PPP1R14C: variants seen among roughly 807,000 people sequenced by gnomAD.
PPP1R14C encodes protein phosphatase 1 regulatory inhibitor subunit 14C.
PPP1R14C carries 16 observed loss-of-function variants against 20.4 expected under a neutral mutation model. The ratio of observed to expected loss-of-function variants is 0.78; its 90% confidence interval spans 0.53 to 1.19. The LOEUF (loss-of-function observed/expected upper bound fraction) is 1.19. Ranked by LOEUF, PPP1R14C falls within the 50% of genes most tolerant of loss-of-function variation. The pLI is 0.00. For synonymous variants in PPP1R14C, 91 were observed against 91.0 expected (o/e 1.00, Z 0.00); for missense variants, 211 against 220.1 (o/e 0.96, Z 0.26).
intron 3 of PPP1R14C, 26 bp from the exon 4 acceptor site, chr6:150,248,720 T>C (rs1450234491): frequency 6.7e-6 from 10 of 1,503,166 alleles, no homozygotes; most frequent in East Asian, 2.3e-5. Flanking sequence ...GTGACCCTCA[T>C]ATTAACTTCT....
At chr6:150,171,882 C>T (rs1045934512) in intron 1 of PPP1R14C, among the ~76,000 whole-genome samples, 5 of 152,010 alleles carry the variant, frequency 3.3e-5, no homozygotes, top group Non-Finnish European at 4.4e-5. Flanking sequence ...CTTGGCTCAC[C>T]GCAACCTCTG....
intron 1 of PPP1R14C, among the ~76,000 whole-genome samples, chr6:150,186,233 A>G (rs761678236): frequency 3.3e-5 from 5 of 152,216 alleles, no homozygotes; most frequent in Non-Finnish European, 5.9e-5. Context: ...CAGGAAGCTT[A>G]GCAAACAGGC....
At position 150,155,766 on chromosome 6, in the gene PPP1R14C, T is replaced by C. The variant is rs375781357; in HGVS notation, c.306+12268T>C. 2.0e-5 allele frequency among the ~76,000 whole-genome samples: 3 copies of C among 152,180 alleles called. No homozygotes were observed. The East Asian group carries it at 5.8e-4, about 29-fold the overall frequency. ...CTGGCTGGGCACGGTGGCTCACACC[T>C]GTAATCCCAGCACTTTGGGAGGCTG... is the stretch of plus-strand genomic sequence containing the variant. On this transcript the variant is annotated intron_variant, in intron 1 of 3. Coordinates refer to ENST00000361131, the MANE Select transcript of PPP1R14C (RefSeq NM_030949.3).
At chr6:150,186,684 G>A (rs1777680189) in intron 1 of PPP1R14C, among the ~76,000 whole-genome samples, 2 of 152,202 alleles carry the variant, frequency 1.3e-5, no homozygotes, top group Non-Finnish European at 2.9e-5. Flanking sequence ...GGTGGGGTCA[G>A]GGCCTGAGGC....
At position 150,143,162 on chromosome 6, in the gene PPP1R14C, G is replaced by A. The variant is rs1777134304; in HGVS notation, c.-31G>A. On this transcript the variant is annotated 5_prime_UTR_variant, in exon 1 of 4. Transcript: ENST00000361131. This position sits in a 1 kb window ranked among gnomAD's most constrained non-coding sequence, Gnocchi z 5.6. ...GGCGCGCTCCGCCCGCCCCTCCTCC[G>A]GGCCGCACTGAGGCTCGGGCGCGCG... 7 of 1,284,744 alleles carry A rather than the reference G, an allele frequency of 5.4e-6. No homozygotes were observed. Among genetic ancestry groups the A allele is most frequent in the East Asian group, 3.4e-5 (1 of 29,356 alleles). The allele number at this position is 1,284,744 out of a possible 1,614,324, so 79.6% of individuals were successfully genotyped here.
intron 1 of PPP1R14C, among the ~76,000 whole-genome samples, chr6:150,211,186 G>T (rs1366675111): frequency 6.6e-6 from 1 of 152,218 alleles, no homozygotes; most frequent in Non-Finnish European, 1.5e-5. Context: ...GCATGTCATT[G>T]TGTTTGTCAG....
chr6:150,248,492 A>G (rs914635718), intron 3 of PPP1R14C, among the ~76,000 whole-genome samples: 4 of 152,232 alleles, frequency 2.6e-5, no homozygotes, highest in African/African-American at 4.8e-5. Flanking sequence ...GGGGCCAAGT[A>G]GGTCATGTCA....
At chr6:150,214,615 TC>T in intron 1 of PPP1R14C, 128 bp from the exon 2 acceptor site, 1 of 551,424 alleles carries the variant, frequency 1.8e-6, no homozygotes, top group African/African-American at 2.1e-5. Flanking sequence ...AGCCTCTCCT[TC>T]CCCCTGCTTA....
intron 1 of PPP1R14C, among the ~76,000 whole-genome samples, chr6:150,149,440 C>A (rs535089563): frequency 5.0e-5 from 7 of 140,624 alleles, no homozygotes; most frequent in African/African-American, 1.6e-4. Flanking sequence ...ATCCTCCCAC[C>A]TAATTTTTTT....
At chr6:150,163,773 T>G (rs1372752037) in intron 1 of PPP1R14C, among the ~76,000 whole-genome samples, 1 of 152,220 alleles carries the variant, frequency 6.6e-6, no homozygotes, top group Non-Finnish European at 1.5e-5. Context: ...TTATCGATTC[T>G]ACTTTTGATG....
chr6:150,144,061 A>G (rs1239123690), intron 1 of PPP1R14C, among the ~76,000 whole-genome samples: 2 of 152,248 alleles, frequency 1.3e-5, no homozygotes, highest in Non-Finnish European at 2.9e-5. Flanking sequence ...CTTTCCAGCC[A>G]GCCCCGACGG....
intron 1 of PPP1R14C, among the ~76,000 whole-genome samples, chr6:150,203,935 C>T (rs1777910059): frequency 6.6e-6 from 1 of 152,228 alleles, no homozygotes; most frequent in South Asian, 2.1e-4. Context: ...TTGGGTGGCG[C>T]CAGCCCTTCC....
intron 1 of PPP1R14C, among the ~76,000 whole-genome samples, chr6:150,181,742 G>A (rs1000269876): frequency 1.3e-5 from 2 of 152,208 alleles, no homozygotes; most frequent in Non-Finnish European, 2.9e-5. Context: ...TTTGCTTTGA[G>A]TGTGTGTGAG....
At position 150,244,168 on chromosome 6, in the gene PPP1R14C, TA is replaced by T. The variant is rs10660961; in HGVS notation, c.424-4565del. Among the ~76,000 whole-genome samples the T allele has an allele frequency of 3.6e-4, 53 of 146,920 alleles. 1 individual carries two copies. The highest frequency in any genetic ancestry group is 6.9e-4 in the African/African-American group (28 of 40,396). On this transcript the variant is annotated intron_variant, in intron 3 of 3. Coordinates refer to ENST00000361131, the MANE Select transcript of PPP1R14C (RefSeq NM_030949.3). ...TTCAATTATGCCTTAATAAAGCTGC[TA>T]AAAAAAAAAAAACTCACTGGGAACC...
At chr6:150,162,179 C>T (rs989140187) in intron 1 of PPP1R14C, among the ~76,000 whole-genome samples, 2 of 152,168 alleles carry the variant, frequency 1.3e-5, no homozygotes, top group Admixed American at 6.5e-5. Context: ...CTCAGCCTCC[C>T]GAGCAGCTGG....
At chr6:150,173,090 T>C (rs1777516795) in intron 1 of PPP1R14C, among the ~76,000 whole-genome samples, 1 of 152,164 alleles carries the variant, frequency 6.6e-6, no homozygotes, top group African/African-American at 2.4e-5. Flanking sequence ...GTTTTCCCCA[T>C]GTACCCTTCA....
chr6:150,168,671 TC>T, intron 1 of PPP1R14C, among the ~76,000 whole-genome samples: 1 of 152,262 alleles, frequency 6.6e-6, no homozygotes, highest in African/African-American at 2.4e-5. Flanking sequence ...GACAAGTACT[TC>T]CTCCATACAG....
rs1225177992 is a variant in PPP1R14C at position 150,143,305 on chromosome 6, G to T, written c.113G>T (p.Ser38Ile). ...GGAGGSPGSS[S>I]GSGSSREDSA... ...GCCGGTGGCAGCCCCGGCTCCAGCA[G>T]CGGCTCAGGCTCCTCCCGGGAGGAC... Residue 38 changes from serine to isoleucine, a missense_variant, in exon 1 of 4, where the codon AGC (serine) becomes ATC (isoleucine). Coordinates refer to ENST00000361131, the MANE Select transcript of PPP1R14C (RefSeq NM_030949.3). The surrounding 1 kb of genome is among the most constrained non-coding windows in gnomAD (Gnocchi z 5.6). 3 of 1,570,662 alleles carry T rather than the reference G, an allele frequency of 1.9e-6. No homozygotes were observed. Among genetic ancestry groups the T allele is most frequent in the Admixed American group, 3.7e-5 (2 of 54,658 alleles).
At chr6:150,206,141 C>T (rs1777947115) in intron 1 of PPP1R14C, among the ~76,000 whole-genome samples, 1 of 152,182 alleles carries the variant, frequency 6.6e-6, no homozygotes, top group African/African-American at 2.4e-5. Flanking sequence ...CGTGTTTTCC[C>T]TTGATGCTGT....
Sources: gnomAD v4.1 joint callset for allele counts (sites outside exome capture counted in the v4.1 genomes callset) on GRCh38, gnomAD v4.1.1 for gene constraint, Gnocchi (gnomAD v3.1) non-coding constraint, MANE v1.5 for transcripts, NCBI Gene and HGNC (gene_info 2026-07-23, HGNC 2026-07-21) for gene names.